Variants in MAP3K10 observed in about 807,000 individuals in gnomAD.
MAP3K10 encodes mitogen-activated protein kinase kinase kinase 10.
A neutral mutation model predicts 75.0 loss-of-function variants in MAP3K10; 22 were observed. The ratio of observed to expected loss-of-function variants is 0.29; its 90% confidence interval spans 0.21 to 0.42. MAP3K10 has a LOEUF of 0.42. Among genes scored for constraint, MAP3K10 ranks in the 10% least tolerant of loss-of-function variants. The pLI, the probability that MAP3K10 is intolerant of heterozygous loss-of-function variation, is 1.00. For synonymous variants in MAP3K10, 599 were observed against 612.9 expected, an observed-to-expected ratio of 0.98 and a Z score of 0.34; for missense variants, 1,165 against 1,379.8, an observed-to-expected ratio of 0.84 and a Z score of 2.47.
intron 2 of MAP3K10, among the ~76,000 whole-genome samples, chr19:40,202,881 T>A (rs1973052650): frequency 6.6e-6 from 1 of 152,176 alleles, no homozygotes; most frequent in Non-Finnish European, 1.5e-5. Context: ...CATGCTTAGC[T>A]GCAAAGGAGA....
At chr19:40,193,680 A>G (rs1972856516) in intron 1 of MAP3K10, among the ~76,000 whole-genome samples, 1 of 152,192 alleles carries the variant, frequency 6.6e-6, no homozygotes, top group East Asian at 1.9e-4. Flanking sequence ...GCAAGAAAAA[A>G]AAAATCTTAC....
chr19:40,199,503 T>C (rs112077199), intron 2 of MAP3K10, among the ~76,000 whole-genome samples: 4 of 151,986 alleles, frequency 2.6e-5, no homozygotes, highest in African/African-American at 7.3e-5. Flanking sequence ...CACGAAAAGT[T>C]TGGAGGAAGA....
Position 40,204,488 on chromosome 19 carries a change from C to T in MAP3K10, c.867C>T (p.Phe289=), listed in dbSNP as rs139187074. ...CCTCCCTCTCCCCTGCCTGCAGCTT[C>T]GGGGTGCTGCTGTGGGAGCTGCTGA... ...LFSKSSDVWS[F]GVLLWELLTG... The change falls in exon 3 of 10, where the codon TTC becomes TTT. Residue 289 remains phenylalanine (F), a synonymous_variant. Coordinates refer to ENST00000253055, the MANE Select transcript of MAP3K10 (RefSeq NM_002446.4). This position sits in a 1 kb window ranked among gnomAD's most constrained non-coding sequence, Gnocchi z 4.3. The T allele has an allele frequency of 1.9e-5, 30 of 1,612,714 alleles. No homozygotes were observed. In the African/African-American group the frequency reaches 2.4e-4, roughly 13 times the overall value.
At chr19:40,210,561 C>T (rs1311367046) in intron 6 of MAP3K10, among the ~76,000 whole-genome samples, 1 of 151,584 alleles carries the variant, frequency 6.6e-6, no homozygotes, top group Non-Finnish European at 1.5e-5. Flanking sequence ...ATTAGCTAGG[C>T]GTGGTGGCGC....
chr19:40,213,439 G>T lies in MAP3K10; in HGVS notation c.1838-78G>T. The T allele has an allele frequency of 6.4e-7, 1 of 1,562,090 alleles. No homozygotes were observed. Among genetic ancestry groups the T allele is most frequent in the Non-Finnish European group, 8.6e-7 (1 of 1,159,762 alleles). ...TGGTCTTGCTGTTGGAGGGGTCATCGGGGGCTGTCCCTTGGCACAAGTCCC... is the reference window on the plus strand; with the variant it reads ...TGGTCTTGCTGTTGGAGGGGTCATCTGGGGCTGTCCCTTGGCACAAGTCCC... On this transcript the variant is annotated intron_variant, in intron 8 of 9. Coordinates refer to ENST00000253055, the MANE Select transcript of MAP3K10 (RefSeq NM_002446.4). This position sits in a 1 kb window ranked among gnomAD's most constrained non-coding sequence, Gnocchi z 5.7.
Position 40,191,994 on chromosome 19 carries a change from G to C in MAP3K10, c.-38G>C. On this transcript the variant is annotated 5_prime_UTR_variant, in exon 1 of 10. Transcript: ENST00000253055. The stretch of plus-strand genomic sequence containing the variant: ...GCCCTCTGCATCCCGCGGGCAGCCT[G>C]TGTGAAGCGGCCTCCCGCAGCCCCC... 2 of 1,342,466 alleles carry C rather than the reference G, an allele frequency of 1.5e-6. No homozygotes were observed. Among genetic ancestry groups the C allele is most frequent in the South Asian group, 1.6e-5 (1 of 63,110 alleles). The allele number at this position is 1,342,466 out of a possible 1,614,324, so 83.2% of individuals were successfully genotyped here.
chr19:40,208,367 T>TATTTTC (rs1973171937), intron 5 of MAP3K10, among the ~76,000 whole-genome samples: 1 of 130,618 alleles, frequency 7.7e-6, no homozygotes, highest in Admixed American at 7.8e-5. Flanking sequence ...TTTTTTTTTT[T>TATTTTC]TTGTATTTTT....
Position 40,212,672 on chromosome 19 carries a change from G to T in MAP3K10, c.1553-133G>T. ...CTATGGGGAGATATATAGCAGGGAG[G>T]GTCATGACTGGAGTTCAAAAGAGCC... On this transcript the variant is annotated intron_variant, in intron 6 of 9. Transcript: ENST00000253055. This position sits in a 1 kb window ranked among gnomAD's most constrained non-coding sequence, Gnocchi z 4.2. The T allele has an allele frequency of 1.8e-6, 2 of 1,094,152 alleles. No homozygotes were observed. Among genetic ancestry groups the T allele is most frequent in the Non-Finnish European group, 1.3e-6 (1 of 767,148 alleles). 67.8% of individuals were successfully genotyped at this position (1,094,152 alleles called of 1,614,324 possible). A position where few individuals can be genotyped will look rare whatever the true frequency, so the allele number is the denominator to read the frequency against.
At position 40,205,283 on chromosome 19, in the gene MAP3K10, G is replaced by A. The variant is rs1389532844; in HGVS notation, c.1175G>A (p.Arg392Gln). 7 of 1,613,878 alleles carry A rather than the reference G, an allele frequency of 4.3e-6. No homozygotes were observed. Among genetic ancestry groups the A allele is most frequent in the South Asian group, 1.1e-5 (1 of 91,070 alleles). ...LEIQHMFDDL[R>Q]TKEKELRSRE... Reference sequence around the variant, plus strand: ...ATTCAGCACATGTTTGATGACCTTCGGACCAAGGAGAAGGTGAAGGCAGGG... The same window carrying A: ...ATTCAGCACATGTTTGATGACCTTCAGACCAAGGAGAAGGTGAAGGCAGGG... The change falls in exon 4 of 10, where the codon CGG (arginine) becomes CAG (glutamine). Residue 392 changes from arginine (R) to glutamine (Q), a missense_variant. Arg to Gln is a conservative substitution (Grantham distance 43). Around this residue, in one of 2 missense-constraint regions of MAP3K10, gnomAD observed 575 missense variants for 793.2 expected, o/e 0.72. Coordinates refer to ENST00000253055, the MANE Select transcript of MAP3K10 (RefSeq NM_002446.4). The surrounding 1 kb of genome is among the most constrained non-coding windows in gnomAD (Gnocchi z 4.3).
In MAP3K10 at chr19:40,192,038, G is replaced by A. The variant is rs1972824844; in HGVS notation, c.7G>A (p.Glu3Lys). 28 of 1,432,340 alleles carry A rather than the reference G, an allele frequency of 2.0e-5. No homozygotes were observed. The highest frequency in any genetic ancestry group is 2.9e-5 in the South Asian group (2 of 67,824). 88.7% of individuals were successfully genotyped at this position (1,432,340 alleles called of 1,614,324 possible). Residue 3 changes from glutamate (E) to lysine (K), a missense_variant, in exon 1 of 10, where the codon GAG becomes AAG. Around this residue, in one of 2 missense-constraint regions of MAP3K10, gnomAD observed 575 missense variants for 793.2 expected, o/e 0.72. Transcript: ENST00000253055. This position sits in a 1 kb window ranked among gnomAD's most constrained non-coding sequence, Gnocchi z 7.1. ...AGCCCCCGGCCCCTCCCCCATGGAG[G>A]AGGAGGAGGGGGCGGTGGCCAAGGA... is the stretch of plus-strand genomic sequence containing the variant. ME[E>K]EEGAVAKEWG...
In MAP3K10 at chr19:40,205,794, T is replaced by TGTGAGGTGAA; in HGVS notation, c.1189-117_1189-116insGTGAGGTGAA. ...CATGAGTCGGGTGGTGAAACCAGTG[T>TGTGAGGTGAA]ACCCCACAGCAAGGTACCCTTGTGT... On this transcript the variant is annotated intron_variant, in intron 4 of 9. Coordinates refer to ENST00000253055, the MANE Select transcript of MAP3K10 (RefSeq NM_002446.4). This position sits in a 1 kb window ranked among gnomAD's most constrained non-coding sequence, Gnocchi z 4.3. 11 of 1,158,784 alleles carry TGTGAGGTGAA rather than the reference T, an allele frequency of 9.5e-6. No individual in the cohort carries two copies. Among genetic ancestry groups the TGTGAGGTGAA allele is most frequent in the Non-Finnish European group, 1.3e-5 (11 of 855,300 alleles). The allele number at this position is 1,158,784 out of a possible 1,614,324, so 71.8% of individuals were successfully genotyped here.
chr19:40,201,927 C>T (rs1052390750), intron 2 of MAP3K10, among the ~76,000 whole-genome samples: 12 of 151,734 alleles, frequency 7.9e-5, no homozygotes, highest in African/African-American at 2.7e-4. Flanking sequence ...TTTGAAGCCC[C>T]GCGTGTGTCA....
rs200853191 is a variant in MAP3K10, at chr19:40,192,265, C to T, written c.234C>T (p.Pro78=). The part of the protein sequence containing the change: ...VGVFPSNYVA[P]GAPAAPAGLQ... ...TCTTCCCCAGCAACTACGTGGCCCCCGGCGCCCCCGCTGCACCCGCGGGCC... is the reference window on the plus strand; with the variant it reads ...TCTTCCCCAGCAACTACGTGGCCCCTGGCGCCCCCGCTGCACCCGCGGGCC... Residue 78 remains proline, a synonymous_variant, in exon 1 of 10, where the codon CCC becomes CCT. Coordinates refer to ENST00000253055, the MANE Select transcript of MAP3K10 (RefSeq NM_002446.4). This position sits in a 1 kb window ranked among gnomAD's most constrained non-coding sequence, Gnocchi z 7.1. The T allele has an allele frequency of 5.3e-5, 85 of 1,601,214 alleles. 1 individual carries two copies. In the African/African-American group the frequency reaches 1.1e-3, roughly 21 times the overall value.
At chr19:40,210,355 G>A (rs1357894394) in intron 6 of MAP3K10, among the ~76,000 whole-genome samples, 2 of 152,180 alleles carry the variant, frequency 1.3e-5, no homozygotes, top group East Asian at 1.9e-4. Context: ...CCTGCAATCT[G>A]CCTTCTGCAA....
At chr19:40,202,805 TC>T (rs1973050791) in intron 2 of MAP3K10, among the ~76,000 whole-genome samples, 1 of 152,058 alleles carries the variant, frequency 6.6e-6, no homozygotes, top group Non-Finnish European at 1.5e-5. Flanking sequence ...TGAGGATACT[TC>T]CTGGAAGCTA....
Position 40,205,048 on chromosome 19 carries a change from G to A in MAP3K10, c.1013-73G>A. Reference sequence around the variant, plus strand: ...CCCCAGAAATTCTGCCTTCCTCTGAGCAGGCTGAGTCCCCAGAGCATGACC... The same window carrying A: ...CCCCAGAAATTCTGCCTTCCTCTGAACAGGCTGAGTCCCCAGAGCATGACC... On this transcript the variant is annotated intron_variant, in intron 3 of 9. Coordinates refer to ENST00000253055, the MANE Select transcript of MAP3K10 (RefSeq NM_002446.4). This position sits in a 1 kb window ranked among gnomAD's most constrained non-coding sequence, Gnocchi z 4.3. 7.2e-7 allele frequency: 1 copy of A among 1,394,124 alleles called. No individual in the cohort carries two copies. Among genetic ancestry groups the A allele is most frequent in the Non-Finnish European group, 1.0e-6 (1 of 989,852 alleles). The allele number at this position is 1,394,124 out of a possible 1,614,324, so 86.4% of individuals were successfully genotyped here.
intron 5 of MAP3K10, among the ~76,000 whole-genome samples, chr19:40,208,357 T>TA (rs1210518492): frequency 0.013 from 1,466 of 109,728 alleles, 35 homozygotes; most frequent in African/African-American, 0.046. Context: ...TTTTTTTTTT[T>TA]TTTTTTTTTT....
In MAP3K10 at chr19:40,198,296, A is replaced by C; in HGVS notation, c.683-79A>C. ...GCAGTGAGAGGAAAGACGTGTTTCTAGCTGAGGCAGCGGGCCAGAACACTT... is the reference window on the plus strand; with the variant it reads ...GCAGTGAGAGGAAAGACGTGTTTCTCGCTGAGGCAGCGGGCCAGAACACTT... On this transcript the variant is annotated intron_variant, in intron 1 of 9. Transcript: ENST00000253055. This position sits in a 1 kb window ranked among gnomAD's most constrained non-coding sequence, Gnocchi z 4.3. 7.3e-7 allele frequency: 1 copy of C among 1,376,834 alleles called. No individual in the cohort carries two copies. 85.3% of individuals were successfully genotyped at this position (1,376,834 alleles called of 1,614,324 possible).
intron 5 of MAP3K10, among the ~76,000 whole-genome samples, chr19:40,208,345 C>CTTTTTTTTTTTTT (rs747110243): frequency 0.013 from 739 of 55,786 alleles, 6 homozygotes; most frequent in Middle Eastern, 0.023. Flanking sequence ...CTCTTTCTTT[C>CTTTTTTTTTTTTT]TTTTTTTTTT....
Sources: allele counts gnomAD v4.1 joint callset (sites outside exome capture counted in the v4.1 genomes callset), GRCh38; gene constraint gnomAD v4.1.1; regional missense constraint gnomAD v4.1.1; non-coding constraint Gnocchi (gnomAD v3.1); transcripts MANE v1.5; gene names NCBI Gene and HGNC (gene_info 2026-07-23, HGNC 2026-07-21).